ABLIM3: variants seen among roughly 807,000 people sequenced by gnomAD.
ABLIM3 encodes the protein actin-binding LIM protein 3.
A neutral mutation model predicts 109.5 loss-of-function variants in ABLIM3; 61 were observed. That is an observed-to-expected ratio of 0.56 (90% CI 0.45 to 0.69). The LOEUF is 0.69. ABLIM3 is among the 30% of genes least tolerant of loss of function. The pLI, the probability that ABLIM3 is intolerant of heterozygous loss-of-function variation, is 0.00. For synonymous variants in ABLIM3, 300 were observed against 324.8 expected (o/e 0.92, Z 0.82); for missense variants, 796 against 889.5 (o/e 0.89, Z 1.34).
At chr5:149,237,680 CAG>C in intron 11 of ABLIM3, 77 bp downstream of exon 11, 1 of 1,574,476 alleles carries the variant, frequency 6.4e-7, no homozygotes, top group Middle Eastern at 2.3e-4. Context: ...CTCTCCATCA[CAG>C]ACAGTTTGGC....
intron 2 of ABLIM3, among the ~76,000 whole-genome samples, chr5:149,172,054 C>G (rs1755487839): frequency 6.6e-6 from 1 of 152,174 alleles, no homozygotes; most frequent in African/African-American, 2.4e-5. Context: ...TAAATAATCA[C>G]AAATGACTAA....
chr5:149,152,793 C>A (rs1299861941), intron 2 of ABLIM3, among the ~76,000 whole-genome samples: 2 of 152,082 alleles, frequency 1.3e-5, no homozygotes, highest in Non-Finnish European at 2.9e-5. Flanking sequence ...TGATTACCCA[C>A]CCAGCTAAGG....
At chr5:149,144,789 C>G (rs1752770931) in intron 2 of ABLIM3, among the ~76,000 whole-genome samples, 1 of 152,164 alleles carries the variant, frequency 6.6e-6, no homozygotes. Flanking sequence ...ACACTGAGTA[C>G]AACTCCTAAT....
rs532186333 is a variant in ABLIM3 at position 149,251,497 on chromosome 5, C to T, written c.1849+78C>T. On this transcript the variant is annotated intron_variant, in intron 21 of 23. Transcript: ENST00000309868. The stretch of plus-strand genomic sequence containing the variant: ...CTCAAAACTGCAGCTTGACCTTCGG[C>T]AAATGATGGCTACAGATTCTGTCCC... 3.7e-4 allele frequency: 557 copies of T among 1,506,696 alleles called. 3 individuals are homozygous for T. Among genetic ancestry groups the T allele is most frequent in the Admixed American group, 1.5e-3 (83 of 54,100 alleles). 93.3% of individuals were successfully genotyped at this position (1,506,696 alleles called of 1,614,324 possible).
At chr5:149,242,349 A>G (rs950034583) in intron 14 of ABLIM3, 142 bp from the exon 15 acceptor site, 2 of 747,692 alleles carry the variant, frequency 2.7e-6, no homozygotes, top group Non-Finnish European at 4.5e-6. Context: ...TCACCAGGGG[A>G]AAAAGATGGT....
intron 3 of ABLIM3, among the ~76,000 whole-genome samples, chr5:149,196,644 C>T (rs747701843): frequency 1.2e-4 from 18 of 152,230 alleles, no homozygotes; most frequent in Admixed American, 7.9e-4. Flanking sequence ...GAATGGGCAC[C>T]GCAGTTGCCT....
chr5:149,200,471 C>G, intron 5 of ABLIM3, 43 bp downstream of exon 5: 1 of 1,582,390 alleles, frequency 6.3e-7, no homozygotes, highest in Non-Finnish European at 8.7e-7. Context: ...TGGGTGTGAT[C>G]TCTCTGGGCT....
In ABLIM3 at chr5:149,214,567, G is replaced by A. The variant is rs184826347; in HGVS notation, c.670-2392G>A. Among the ~76,000 whole-genome samples, 15 of 152,346 alleles carry A rather than the reference G, an allele frequency of 9.8e-5. No individual in the cohort carries two copies. In the East Asian group the frequency reaches 2.7e-3, roughly 27 times the overall value. On this transcript the variant is annotated intron_variant, in intron 7 of 23. Coordinates refer to ENST00000309868, the MANE Select transcript of ABLIM3 (RefSeq NM_014945.5). ...TAACCCTGTGGACTGATATGGAGAA[G>A]AGGTAGCCCCACCAAGGAAAGGCTT...
intron 2 of ABLIM3, among the ~76,000 whole-genome samples, chr5:149,157,447 A>C (rs1335568935): frequency 3.3e-5 from 5 of 151,608 alleles, no homozygotes; most frequent in Admixed American, 1.3e-4. Flanking sequence ...CCTCCTTCTG[A>C]TTCTTTATAA....
chr5:149,207,167 G>A (rs773547068), intron 6 of ABLIM3, 33 bp downstream of exon 6: 1 of 1,605,358 alleles, frequency 6.2e-7, no homozygotes, highest in African/African-American at 1.3e-5. Flanking sequence ...CAGCTGCCTG[G>A]GCCTCTGCAT....
At chr5:149,206,853 T>TC (rs1759024668) in intron 5 of ABLIM3, among the ~76,000 whole-genome samples, 155 bp from the exon 6 acceptor site, 1 of 143,596 alleles carries the variant, frequency 7.0e-6, no homozygotes, top group East Asian at 2.1e-4. Flanking sequence ...GCTTTTTCTC[T>TC]CCCCTGGGAG....
At chr5:149,225,665 T>C (rs1479775256) in intron 8 of ABLIM3, among the ~76,000 whole-genome samples, 1 of 152,130 alleles carries the variant, frequency 6.6e-6, no homozygotes, top group Non-Finnish European at 1.5e-5. Context: ...CTGAGTGGTA[T>C]ACAATGCACC....
In ABLIM3 at chr5:149,252,200, G is replaced by A; in HGVS notation, c.1850-1G>A. 6.2e-7 allele frequency: 1 copy of A among 1,613,758 alleles called. No homozygotes were observed. The highest frequency in any genetic ancestry group is 8.5e-7 in the Non-Finnish European group (1 of 1,179,816). On this transcript the variant is annotated splice_acceptor_variant, in intron 21 of 23. Transcript: ENST00000309868. LOFTEE classifies it high-confidence loss of function. Reference sequence around the variant, plus strand: ...GTGTGTGTCTCTTTTTCTCTCTGCAGAGTACAAGGTAAAGGATGTGCATAG... The same window carrying A: ...GTGTGTGTCTCTTTTTCTCTCTGCAAAGTACAAGGTAAAGGATGTGCATAG...
chr5:149,229,197 T>G (rs1367784218), intron 8 of ABLIM3, among the ~76,000 whole-genome samples: 1 of 152,224 alleles, frequency 6.6e-6, no homozygotes, highest in Non-Finnish European at 1.5e-5. Flanking sequence ...ACCCTGTGAT[T>G]GCTGGATCAA....
chr5:149,144,355 A>G (rs79258710), intron 2 of ABLIM3, among the ~76,000 whole-genome samples: 6,383 of 152,262 alleles, frequency 0.042, 148 homozygotes, highest in Non-Finnish European at 0.052. Flanking sequence ...CGAGTCTGCA[A>G]ATGCAGAGAG....
chr5:149,240,554 C>T (rs74996315), intron 13 of ABLIM3, 122 bp from the exon 14 acceptor site: 11,849 of 754,836 alleles, frequency 0.016, 150 homozygotes, highest in Middle Eastern at 0.035. Context: ...CACGCTGAGA[C>T]GCCCCAGCCC....
At chr5:149,231,031 G>A (rs978070187) in intron 9 of ABLIM3, among the ~76,000 whole-genome samples, 5 of 152,182 alleles carry the variant, frequency 3.3e-5, no homozygotes, top group African/African-American at 1.2e-4. Flanking sequence ...GTTTTTCCCA[G>A]CCTAAGGTCA....
chr5:149,152,538 T>C (rs1753527908), intron 2 of ABLIM3, among the ~76,000 whole-genome samples: 1 of 152,022 alleles, frequency 6.6e-6, no homozygotes, highest in Non-Finnish European at 1.5e-5. Context: ...GGGCAAACAA[T>C]ATCCTGCCCT....
At chr5:149,200,643 G>A (rs1202420586) in intron 5 of ABLIM3, 1 of 571,290 alleles carries the variant, frequency 1.8e-6, no homozygotes, top group African/African-American at 1.9e-5. Flanking sequence ...GCCATAAACA[G>A]TGGTAGCCAG....
Sources: allele counts gnomAD v4.1 joint callset (sites outside exome capture counted in the v4.1 genomes callset), GRCh38; gene constraint gnomAD v4.1.1; transcripts MANE v1.5; gene names NCBI Gene and HGNC (gene_info 2026-07-23, HGNC 2026-07-21).